The following ARHGAP39 variants were observed in gnomAD, a reference collection of about 807,000 sequenced individuals.
The protein encoded by ARHGAP39 is rho GTPase-activating protein 39.
A neutral mutation model predicts 106.9 loss-of-function variants in ARHGAP39; 44 were observed. The ratio of observed to expected loss-of-function variants is 0.41; its 90% CI spans 0.32 to 0.53. The LOEUF (loss-of-function observed/expected upper bound fraction) is 0.53, where lower values mean the gene tolerates loss of function less well. Among genes scored for constraint, ARHGAP39 ranks in the 20% least tolerant of loss-of-function variants. The pLI is 0.21. For synonymous variants in ARHGAP39, 768 were observed against 693.2 expected (o/e 1.11, Z -1.69); for missense variants, 1,496 against 1,577.3 (o/e 0.95, Z 0.87).
At chr8:144,597,170 G>C (rs1819653457) in intron 2 of ARHGAP39, among the ~76,000 whole-genome samples, 1 of 152,202 alleles carries the variant, frequency 6.6e-6, no homozygotes, top group South Asian at 2.1e-4. Context: ...AACAGCCTTA[G>C]GGCTGTAACG....
intron 1 of ARHGAP39, among the ~76,000 whole-genome samples, chr8:144,648,463 G>A (rs1821497340): frequency 6.6e-6 from 1 of 152,196 alleles, no homozygotes; most frequent in African/African-American, 2.4e-5. Context: ...CCTCACTACA[G>A]AACTACTGAA....
At position 144,558,139 on chromosome 8, in the gene ARHGAP39, A is replaced by G. The variant is rs1046464011; in HGVS notation, c.513-2496T>C. 5.9e-5 allele frequency among the ~76,000 whole-genome samples: 9 copies of G among 152,258 alleles called. No homozygotes were observed. In the East Asian group the frequency reaches 1.7e-3, roughly 29 times the overall value. On this transcript the variant is annotated intron_variant, in intron 3 of 11. Transcript: ENST00000377307. ...CACAGGTTAGTGAGGAATGTGCTGT[A>G]TCAATATGAATAATACTGTAAAGTC... is the stretch of plus-strand genomic sequence containing the variant.
chr8:144,644,046 A>G lies in ARHGAP39; in HGVS notation c.-81-38351T>C, dbSNP rs991718304. 6.6e-6 allele frequency among the ~76,000 whole-genome samples: 1 copy of G among 152,218 alleles called. No homozygotes were observed. The highest frequency in any genetic ancestry group is 2.4e-5 in the African/African-American group (1 of 41,454). ...TTGGCAAAAATCTACCACGTGACCC[A>G]GCAATTCCACTCCCAGGAATCTAGT... On this transcript the variant is annotated intron_variant, in intron 1 of 11. Transcript: ENST00000377307. This position sits in a 1 kb window ranked among gnomAD's most constrained non-coding sequence, Gnocchi z 4.8.
intron 3 of ARHGAP39, among the ~76,000 whole-genome samples, chr8:144,556,985 A>G (rs78470785): frequency 2.8e-5 from 4 of 143,622 alleles, no homozygotes; most frequent in South Asian, 2.2e-4. Context: ...CTGAACCTTC[A>G]TAGTATTCAG....
At chr8:144,599,971 ACT>A (rs1217979631) in intron 2 of ARHGAP39, among the ~76,000 whole-genome samples, 1 of 151,990 alleles carries the variant, frequency 6.6e-6, no homozygotes, top group African/African-American at 2.4e-5. Flanking sequence ...CCACAGAGCA[ACT>A]CTCTGTGGGA....
chr8:144,698,857 C>T, the ARHGAP39 span: 2 of 456,022 alleles, frequency 4.4e-6, no homozygotes, highest in South Asian at 1.5e-5. Context: ...GACTCAGAAG[C>T]CTTCTTGCAA....
At chr8:144,699,614 G>C in the ARHGAP39 span, among the ~76,000 whole-genome samples, 5 of 135,384 alleles carry the variant, frequency 3.7e-5, no homozygotes, top group South Asian at 5.0e-4. Context: ...CTGTGTGGGC[G>C]CTCGGCGGCA....
At chr8:144,542,346 G>A (rs1433874207) in intron 6 of ARHGAP39, among the ~76,000 whole-genome samples, 2 of 152,196 alleles carry the variant, frequency 1.3e-5, no homozygotes, top group African/African-American at 4.8e-5. Context: ...AGTCCCCGAG[G>A]GTGGTGACCA....
At chr8:144,576,634 C>T (rs1225847738) in intron 3 of ARHGAP39, among the ~76,000 whole-genome samples, 3 of 152,166 alleles carry the variant, frequency 2.0e-5, no homozygotes, top group African/African-American at 7.2e-5. Flanking sequence ...CGAGTCAAAA[C>T]GAATAACAAA....
chr8:144,547,309 G>C lies in ARHGAP39; in HGVS notation c.1777C>G (p.Leu593Val), dbSNP rs762776968. 6 of 1,610,664 alleles carry C rather than the reference G, an allele frequency of 3.7e-6. No individual in the cohort carries two copies. The highest frequency in any genetic ancestry group is 5.1e-6 in the Non-Finnish European group (6 of 1,179,284). ...SGYESDGALP[L>V]PMPGPVVRAF... is the part of the protein sequence containing the mutation. Reference sequence around the variant, plus strand: ...CGCACCACCGGCCCGGGCATGGGCAGTGGCAGGGCGCCGTCGCTCTCGTAG... The same window carrying C: ...CGCACCACCGGCCCGGGCATGGGCACTGGCAGGGCGCCGTCGCTCTCGTAG... Residue 593 changes from leucine to valine, a missense_variant, in exon 5 of 12, where the codon CTG becomes GTG. Around this residue, in one of 4 missense-constraint regions of ARHGAP39, gnomAD observed 905 missense variants for 816.4 expected, o/e 1.11. Transcript: ENST00000377307. The surrounding 1 kb of genome is among the most constrained non-coding windows in gnomAD (Gnocchi z 5.2).
At chr8:144,571,187 G>T (rs1381335186) in intron 3 of ARHGAP39, among the ~76,000 whole-genome samples, 1 of 152,092 alleles carries the variant, frequency 6.6e-6, no homozygotes, top group Non-Finnish European at 1.5e-5. Flanking sequence ...AAAAAAAAGA[G>T]AATTTTATAC....
intron 1 of ARHGAP39, among the ~76,000 whole-genome samples, chr8:144,618,701 G>C (rs1257531104): frequency 6.6e-6 from 1 of 152,240 alleles, no homozygotes; most frequent in East Asian, 1.9e-4. Flanking sequence ...GAAGAGGCCG[G>C]GCGCAGGAAG....
Position 144,547,082 on chromosome 8 carries a change from C to A in ARHGAP39, c.1959+45G>T. ...GCCCACGGGGTCCACTCTGACTGGG[C>A]TGGCCCCAGGCTCTCAAGCTCAGCC... is the stretch of plus-strand genomic sequence containing the variant. On this transcript the variant is annotated intron_variant, in intron 5 of 11. Transcript: ENST00000377307. The surrounding 1 kb of genome is among the most constrained non-coding windows in gnomAD (Gnocchi z 5.2). The A allele has an allele frequency of 6.6e-7, 1 of 1,510,172 alleles. No homozygotes were observed. Among genetic ancestry groups the A allele is most frequent in the Admixed American group, 2.2e-5 (1 of 46,226 alleles). The allele number at this position is 1,510,172 out of a possible 1,614,324, so 93.5% of individuals were successfully genotyped here.
At chr8:144,666,105 G>A (rs536162255) in intron 1 of ARHGAP39, among the ~76,000 whole-genome samples, 3 of 152,284 alleles carry the variant, frequency 2.0e-5, no homozygotes, top group East Asian at 1.9e-4. Flanking sequence ...AGATCACTTT[G>A]AGCTTTAAAA....
At position 144,591,128 on chromosome 8, in the gene ARHGAP39, C is replaced by T. The variant is rs1416369935; in HGVS notation, c.81-9851G>A. On this transcript the variant is annotated intron_variant, in intron 2 of 11. Transcript: ENST00000377307. The surrounding 1 kb of genome is among the most constrained non-coding windows in gnomAD (Gnocchi z 5.3). ...ATGACCTCCTGGAGCCGGGTGGCTG[C>T]GCAGGCCTGGGGTGCAAGGCCAGAG... Among the ~76,000 whole-genome samples the T allele has an allele frequency of 2.0e-5, 3 of 152,132 alleles. No homozygotes were observed. Among genetic ancestry groups the T allele is most frequent in the Admixed American group, 6.5e-5 (1 of 15,282 alleles).
intron 8 of ARHGAP39, 64 bp from the exon 9 acceptor site, chr8:144,533,389 GT>G: frequency 6.5e-7 from 1 of 1,529,346 alleles, no homozygotes; most frequent in Non-Finnish European, 8.9e-7. Flanking sequence ...CGCCACCCCG[GT>G]TGTCTTCTTT....
At chr8:144,588,533 G>A (rs549582159) in intron 2 of ARHGAP39, among the ~76,000 whole-genome samples, 83 of 152,360 alleles carry the variant, frequency 5.4e-4, no homozygotes, top group African/African-American at 1.9e-3. Context: ...GAACTGTGGG[G>A]ACCGCGGAGA....
chr8:144,672,964 C>A (rs1822136226), intron 1 of ARHGAP39, among the ~76,000 whole-genome samples: 1 of 152,158 alleles, frequency 6.6e-6, no homozygotes, highest in Non-Finnish European at 1.5e-5. Context: ...TGCCTGTAAT[C>A]CCAGCACTTT....
intron 1 of ARHGAP39, among the ~76,000 whole-genome samples, chr8:144,662,722 G>A (rs1438393972): frequency 1.9e-4 from 20 of 104,300 alleles, no homozygotes; most frequent in South Asian, 7.0e-4. Context: ...GCCATTACCC[G>A]CCTCCCCATT....
Sources: gnomAD v4.1 joint callset for allele counts (sites outside exome capture counted in the v4.1 genomes callset) on GRCh38, gnomAD v4.1.1 for gene constraint, gnomAD v4.1.1 regional missense constraint, Gnocchi (gnomAD v3.1) non-coding constraint, MANE v1.5 for transcripts, NCBI Gene and HGNC (gene_info 2026-07-23, HGNC 2026-07-21) for gene names.